Variants in RIMS2 observed in about 807,000 individuals in gnomAD.
The protein encoded by RIMS2 is regulating synaptic membrane exocytosis 2.
RIMS2 carries 59 observed loss-of-function variants against 174.4 expected under a neutral mutation model. That is an observed-to-expected ratio of 0.34 (90% CI 0.27 to 0.42). The LOEUF is 0.42. Ranked by LOEUF, RIMS2 falls within the 10% of genes least tolerant of loss-of-function variation. The pLI, the probability that RIMS2 is intolerant of heterozygous loss-of-function variation, is 1.00. For missense variants in RIMS2, 1,620 were observed against 1,666.3 expected (o/e 0.97, Z 0.48); for synonymous variants, 606 against 572.5 (o/e 1.06, Z -0.84).
intron 2 of RIMS2, among the ~76,000 whole-genome samples, chr8:103,749,280 T>A (rs1259161047): frequency 6.6e-6 from 1 of 151,366 alleles, no homozygotes; most frequent in African/African-American, 2.4e-5. Context: ...CCCGGCTAAC[T>A]TTTTTGTATT....
intron 3 of RIMS2, among the ~76,000 whole-genome samples, chr8:103,782,437 T>A (rs1353132121): frequency 6.7e-6 from 1 of 148,244 alleles, no homozygotes; most frequent in African/African-American, 2.5e-5. Context: ...AAATCCCGTG[T>A]GTGTGTGTGT....
chr8:103,975,498 T>C, exon 16 of RIMS2: 1 of 1,612,140 alleles, frequency 6.2e-7, no homozygotes, highest in Middle Eastern at 1.7e-4. Flanking sequence ...GTGTCCCTCC[T>C]CCACAAAGGT....
intron 1 of RIMS2, among the ~76,000 whole-genome samples, chr8:103,619,040 C>G (rs2095570398): frequency 6.6e-6 from 1 of 150,662 alleles, no homozygotes; most frequent in African/African-American, 2.4e-5. Flanking sequence ...TGAAGCCAAT[C>G]CACTCCTGGA....
chr8:104,147,989 CTTTA>C (rs1297768266), intron 19 of RIMS2, among the ~76,000 whole-genome samples: 3 of 151,966 alleles, frequency 2.0e-5, no homozygotes, highest in Non-Finnish European at 4.4e-5. Flanking sequence ...TCTTTCTTTT[CTTTA>C]TTTTTGTAAT....
chr8:104,149,069 T>G (rs534707661), intron 19 of RIMS2, among the ~76,000 whole-genome samples: 1 of 152,304 alleles, frequency 6.6e-6, no homozygotes, highest in East Asian at 1.9e-4. Context: ...GTTCTTAAAA[T>G]GTAGATAATG....
chr8:104,005,408 A>G (rs891838738), intron 17 of RIMS2, among the ~76,000 whole-genome samples: 1 of 152,192 alleles, frequency 6.6e-6, no homozygotes, highest in Admixed American at 6.5e-5. Flanking sequence ...TGAAGGCTAC[A>G]ATGGAAGCAG....
chr8:103,811,525 A>G (rs1227204431), intron 3 of RIMS2, among the ~76,000 whole-genome samples: 1 of 151,726 alleles, frequency 6.6e-6, no homozygotes, highest in Non-Finnish European at 1.5e-5. Flanking sequence ...GCTCACTGCA[A>G]CCTCTGCCTC....
intron 1 of RIMS2, among the ~76,000 whole-genome samples, chr8:103,508,223 T>C (rs543415918): frequency 5.9e-5 from 9 of 152,112 alleles, no homozygotes; most frequent in African/African-American, 1.9e-4. Context: ...AGGAGCTCAT[T>C]GTAAGAAACG....
At chr8:103,561,005 G>A (rs2091499187) in intron 1 of RIMS2, among the ~76,000 whole-genome samples, 1 of 152,174 alleles carries the variant, frequency 6.6e-6, no homozygotes, top group Admixed American at 6.5e-5. Context: ...TTTAGAGTTT[G>A]TTTGATAAAC....
At chr8:104,146,115 A>C (rs375104633) in intron 19 of RIMS2, among the ~76,000 whole-genome samples, 26 of 149,150 alleles carry the variant, frequency 1.7e-4, no homozygotes, top group African/African-American at 6.4e-4. Flanking sequence ...CTGTAATCCC[A>C]GGACTTTGAG....
chr8:103,971,596 G>GTCTTTTTTTTTTTT (rs2092885286), intron 15 of RIMS2, among the ~76,000 whole-genome samples: 1 of 150,742 alleles, frequency 6.6e-6, no homozygotes, highest in Non-Finnish European at 1.5e-5. Flanking sequence ...TTTTGAGACA[G>GTCTTTTTTTTTTTT]AGTCTTGCTC....
intron 19 of RIMS2, among the ~76,000 whole-genome samples, chr8:104,151,883 G>A (rs572958122): frequency 2.4e-4 from 37 of 152,194 alleles, no homozygotes; most frequent in Middle Eastern, 3.4e-3. Context: ...CGGAGGAAGA[G>A]CCCAAGAAGA....
intron 1 of RIMS2, among the ~76,000 whole-genome samples, chr8:103,514,370 T>C (rs1162236345): frequency 2.0e-5 from 3 of 152,210 alleles, no homozygotes; most frequent in Non-Finnish European, 2.9e-5. Context: ...CTAACCTTTT[T>C]CACGTGATTC....
At chr8:104,064,042 T>C (rs1347411554) in intron 19 of RIMS2, among the ~76,000 whole-genome samples, 3 of 152,168 alleles carry the variant, frequency 2.0e-5, no homozygotes, top group African/African-American at 7.2e-5. Flanking sequence ...CTGCCAGCTA[T>C]TGTGACCATA....
At chr8:103,613,377 T>A (rs2095431972) in intron 1 of RIMS2, among the ~76,000 whole-genome samples, 1 of 152,102 alleles carries the variant, frequency 6.6e-6, no homozygotes, top group South Asian at 2.1e-4. Context: ...TCACTGATGT[T>A]CACTTAACGC....
chr8:103,767,182 C>A (rs1378905314), intron 3 of RIMS2, among the ~76,000 whole-genome samples: 1 of 106,108 alleles, frequency 9.4e-6, no homozygotes, highest in African/African-American at 4.2e-5. Flanking sequence ...TGGGAAGATT[C>A]TTTTTCTTTC....
At chr8:103,908,288 G>C (rs373743382) in intron 4 of RIMS2, among the ~76,000 whole-genome samples, 17 of 152,076 alleles carry the variant, frequency 1.1e-4, no homozygotes, top group African/African-American at 3.9e-4. Flanking sequence ...TGATCCGTCT[G>C]CATCAGCCTC....
intron 1 of RIMS2, among the ~76,000 whole-genome samples, chr8:103,632,552 C>A (rs2095957195): frequency 6.6e-6 from 1 of 151,892 alleles, no homozygotes; most frequent in South Asian, 2.1e-4. Context: ...TCCTGAGTAG[C>A]TGGGCTTACA....
At chr8:103,723,744 C>T (rs2097487262) in intron 2 of RIMS2, among the ~76,000 whole-genome samples, 1 of 152,164 alleles carries the variant, frequency 6.6e-6, no homozygotes, top group South Asian at 2.1e-4. Context: ...TGCTTGGTCC[C>T]TGAGCCAACA....
Sources: allele counts gnomAD v4.1 joint callset (sites outside exome capture counted in the v4.1 genomes callset), GRCh38; gene constraint gnomAD v4.1.1; transcripts MANE v1.5; gene names NCBI Gene and HGNC (gene_info 2026-07-23, HGNC 2026-07-21).